The following MYH14 variants were observed in gnomAD, a reference collection of about 807,000 sequenced individuals.
MYH14 encodes the protein myosin heavy chain 14.
A neutral mutation model predicts 255.5 loss-of-function variants in MYH14; 123 were observed. The observed-to-expected ratio is 0.48, with a 90% confidence interval of 0.42 to 0.56. The LOEUF is 0.56. MYH14 is among the 20% of genes least tolerant of loss of function. The pLI is 0.00. For missense variants in MYH14, 2,423 were observed against 2,802.3 expected (o/e 0.86, Z 3.06); for synonymous variants, 1,095 against 1,161.2 (o/e 0.94, Z 1.16).
intron 18 of MYH14, among the ~76,000 whole-genome samples, 196 bp from the exon 19 acceptor site, chr19:50,258,948 A>G (rs1342656904): frequency 1.3e-5 from 2 of 151,856 alleles, no homozygotes; most frequent in Non-Finnish European, 2.9e-5. Flanking sequence ...AGTTTCTCCT[A>G]CTGAACTCTC....
intron 39 of MYH14, among the ~76,000 whole-genome samples, chr19:50,299,830 A>G (rs1296034456): frequency 6.6e-6 from 1 of 151,944 alleles, no homozygotes; most frequent in Non-Finnish European, 1.5e-5. Flanking sequence ...CTGTAATCCC[A>G]GCTACTCAGG....
chr19:50,243,578 T>C (rs758510764), intron 10 of MYH14, among the ~76,000 whole-genome samples: 1 of 152,222 alleles, frequency 6.6e-6, no homozygotes, highest in African/African-American at 2.4e-5. Context: ...CAGTGAGCTA[T>C]GATCGTGCCA....
At chr19:50,304,614 A>G (rs562444516) in intron 40 of MYH14, among the ~76,000 whole-genome samples, 3 of 152,136 alleles carry the variant, frequency 2.0e-5, no homozygotes, top group Non-Finnish European at 2.9e-5. Flanking sequence ...TGTACTGTTT[A>G]CCTTCCCATG....
At position 50,252,695 on chromosome 19, in the gene MYH14, C is replaced by T. The variant is rs374682911; in HGVS notation, c.1887C>T (p.Asn629=). The T allele has an allele frequency of 1.8e-5, 29 of 1,601,528 alleles. No individual in the cohort carries two copies. Among genetic ancestry groups the T allele is most frequent in the Middle Eastern group, 1.6e-4 (1 of 6,078 alleles). ...AAAACATGGACCCTCTGAATGACAA[C>T]GTCGCAGCCTTGCTCCACCAGAGCA... ...LMKNMDPLND[N]VAALLHQSTD... Residue 629 remains asparagine (N), a synonymous_variant, in exon 16 of 43, where the codon AAC becomes AAT. Transcript: ENST00000642316. The surrounding 1 kb of genome is among the most constrained non-coding windows in gnomAD (Gnocchi z 4.2).
intron 35 of MYH14, among the ~76,000 whole-genome samples, chr19:50,290,065 A>T (rs973771841): frequency 6.6e-6 from 1 of 151,618 alleles, no homozygotes; most frequent in African/African-American, 2.4e-5. Context: ...CAACTACCCT[A>T]ACCACCCACA....
chr19:50,300,932 C>CA (rs1256726222), intron 39 of MYH14, among the ~76,000 whole-genome samples: 1 of 147,946 alleles, frequency 6.8e-6, no homozygotes, highest in East Asian at 2.0e-4. Context: ...AAAACTGTCT[C>CA]AAAAAAAGTT....
rs190287003 is a variant in MYH14, at chr19:50,241,891, G to A, written c.1115-2351G>A. Reference sequence around the variant, plus strand: ...ACTCCTGGACTCAAATGATCTTCCCGCCTTTGCCCTCCCAAAGTGCTGGGA... The same window carrying A: ...ACTCCTGGACTCAAATGATCTTCCCACCTTTGCCCTCCCAAAGTGCTGGGA... On this transcript the variant is annotated intron_variant, in intron 10 of 42. Transcript: ENST00000642316. Among the ~76,000 whole-genome samples the A allele has an allele frequency of 1.3e-3, 192 of 152,222 alleles. 2 individuals are homozygous for A. In the Middle Eastern group the frequency reaches 0.024, roughly 19 times the overall value.
chr19:50,238,350 C>A (rs535115269), intron 10 of MYH14, among the ~76,000 whole-genome samples: 1 of 152,174 alleles, frequency 6.6e-6, no homozygotes, highest in Non-Finnish European at 1.5e-5. Flanking sequence ...CAGGTCTGGA[C>A]GGGGTCTAAG....
chr19:50,249,205 C>T, intron 13 of MYH14, 66 bp downstream of exon 13: 1 of 1,480,306 alleles, frequency 6.8e-7, no homozygotes, highest in Non-Finnish European at 9.0e-7. Flanking sequence ...TTCTGAAGCC[C>T]TGGGTCTCTC....
At position 50,230,635 on chromosome 19, in the gene MYH14, C is replaced by T; in HGVS notation, c.973+12C>T. 1.3e-6 allele frequency: 2 copies of T among 1,553,368 alleles called. No homozygotes were observed. The highest frequency in any genetic ancestry group is 1.7e-6 in the Non-Finnish European group (2 of 1,147,978). On this transcript the variant is annotated intron_variant, in intron 9 of 42. Transcript: ENST00000642316. The surrounding 1 kb of genome is among the most constrained non-coding windows in gnomAD (Gnocchi z 4.7). ...AGAGCAGCTCAAAGGTCAGTGCCGC[C>T]CCGTCCTACCCTGCTCACCCGGGAG...
chr19:50,293,247 G>T lies in MYH14; in HGVS notation c.5271G>T (p.Ser1757=). 6.2e-7 allele frequency: 1 copy of T among 1,607,052 alleles called. No individual in the cohort carries two copies. The highest frequency in any genetic ancestry group is 8.5e-7 in the Non-Finnish European group (1 of 1,177,126). Residue 1757 remains serine, a synonymous_variant, in exon 38 of 43, where the codon TCG becomes TCT. Transcript: ENST00000642316. This position sits in a 1 kb window ranked among gnomAD's most constrained non-coding sequence, Gnocchi z 4.1. ...CATCATCACAGGAACTGGCCGCCTC[G>T]GACCGTGCTCGGCGGCAGGCCCAGC... is the stretch of plus-strand genomic sequence containing the variant. ...VLRLQEELAA[S]DRARRQAQQD...
intron 39 of MYH14, among the ~76,000 whole-genome samples, chr19:50,294,801 G>A (rs1029804849): frequency 1.3e-5 from 2 of 151,882 alleles, no homozygotes; most frequent in African/African-American, 4.8e-5. Flanking sequence ...TTTAAATGGA[G>A]AGAATGGGGA....
chr19:50,210,563 G>A lies in MYH14; in HGVS notation c.198G>A (p.Glu66=), dbSNP rs758719320. Residue 66 remains glutamate (E), a synonymous_variant, in exon 2 of 43, where the codon GAG becomes GAA. Transcript: ENST00000642316. ...TGCCTTCGGAGCTTCACGGGTTCGA[G>A]GCGGCGGCGCTGCGGGACGAAGGCG... ...VWVPSELHGF[E]AAALRDEGEE... 4.4e-6 allele frequency: 7 copies of A among 1,581,608 alleles called. No homozygotes were observed. Among genetic ancestry groups the A allele is most frequent in the African/African-American group, 2.7e-5 (2 of 74,218 alleles).
intron 1 of MYH14, among the ~76,000 whole-genome samples, chr19:50,208,688 C>T (rs1026185308): frequency 2.0e-5 from 3 of 152,022 alleles, no homozygotes; most frequent in African/African-American, 7.2e-5. Flanking sequence ...AAAAAAGGAA[C>T]GGGTAACATT....
chr19:50,222,059 G>T (rs926284449), intron 3 of MYH14, among the ~76,000 whole-genome samples: 1 of 152,110 alleles, frequency 6.6e-6, no homozygotes, highest in African/African-American at 2.4e-5. Flanking sequence ...ATGTTTAGTA[G>T]CACCCCGGCC....
Position 50,260,714 on chromosome 19 carries a change from T to C in MYH14, c.2423T>C (p.Met808Thr), listed in dbSNP as rs2034793860. 1.2e-6 allele frequency: 2 copies of C among 1,611,648 alleles called. No individual in the cohort carries two copies. Among genetic ancestry groups the C allele is most frequent in the Non-Finnish European group, 1.7e-6 (2 of 1,179,158 alleles). ...GATGGGAAGCAGGCCTGTGAAAAGATGGTGAGTGGGGCAGAGCCTGGAATG... is the reference window on the plus strand; with the variant it reads ...GATGGGAAGCAGGCCTGTGAAAAGACGGTGAGTGGGGCAGAGCCTGGAATG... The part of the protein sequence containing the change: ...FMDGKQACEK[M>T]IQALELDPNL... Residue 808 changes from methionine to threonine, a missense_variant and splice_region_variant, in exon 20 of 43, where the codon ATG (methionine) becomes ACG (threonine). By Grantham distance (81) the Met-to-Thr change is moderately conservative. Around this residue, in one of 3 missense-constraint regions of MYH14, gnomAD observed 1,513 missense variants for 1,674.8 expected, o/e 0.90. Coordinates refer to ENST00000642316, the MANE Select transcript of MYH14 (RefSeq NM_001145809.2).
chr19:50,235,381 G>A (rs1158123325), intron 10 of MYH14, among the ~76,000 whole-genome samples: 1 of 83,314 alleles, frequency 1.2e-5, no homozygotes, highest in East Asian at 3.6e-4. Flanking sequence ...GTTCCTGGAT[G>A]TTGGTTGCTC....
intron 33 of MYH14, 140 bp downstream of exon 33, chr19:50,281,982 G>A: frequency 1.1e-6 from 1 of 875,086 alleles, no homozygotes; most frequent in Non-Finnish European, 1.7e-6. Flanking sequence ...ACCCTTCTTT[G>A]CTCTGGGCCT....
intron 42 of MYH14, chr19:50,309,393 TC>T: frequency 1.6e-6 from 1 of 620,558 alleles, no homozygotes; most frequent in South Asian, 1.9e-5. Context: ...TGCCCTCCTT[TC>T]CCACCGTGCA....
Sources: allele counts gnomAD v4.1 joint callset (sites outside exome capture counted in the v4.1 genomes callset), GRCh38; gene constraint gnomAD v4.1.1; regional missense constraint gnomAD v4.1.1; non-coding constraint Gnocchi (gnomAD v3.1); transcripts MANE v1.5; gene names NCBI Gene and HGNC (gene_info 2026-07-23, HGNC 2026-07-21).